The following AIG1 variants were observed in gnomAD, a reference collection of about 807,000 sequenced individuals.
AIG1 encodes androgen-induced gene 1 protein.
AIG1 carries 23 observed loss-of-function variants against 31.4 expected under a neutral mutation model. That is an observed-to-expected ratio of 0.73 (90% CI 0.53 to 1.04). The LOEUF (loss-of-function observed/expected upper bound fraction) is 1.04, where lower values mean the gene tolerates loss of function less well. AIG1 is among the 50% of genes least tolerant of loss of function. AIG1 has a pLI of 0.00. For synonymous variants in AIG1, 100 were observed against 110.5 expected, an observed-to-expected ratio of 0.90 and a Z score of 0.60; for missense variants, 274 against 295.0, an observed-to-expected ratio of 0.93 and a Z score of 0.52.
intron 4 of AIG1, among the ~76,000 whole-genome samples, chr6:143,317,577 C>T (rs1016474383): frequency 6.6e-6 from 1 of 152,140 alleles, no homozygotes; most frequent in African/African-American, 2.4e-5. Context: ...TGAAAGCATT[C>T]CCTCTGAGAA....
At chr6:143,127,970 G>A (rs1358502128) in intron 1 of AIG1, among the ~76,000 whole-genome samples, 1 of 152,168 alleles carries the variant, frequency 6.6e-6, no homozygotes, top group Non-Finnish European at 1.5e-5. Flanking sequence ...TTACAGGCAT[G>A]AGCCACCACA....
At chr6:143,335,961 A>C (rs1400876726) in intron 5 of AIG1, among the ~76,000 whole-genome samples, 3 of 137,950 alleles carry the variant, frequency 2.2e-5, no homozygotes, top group Admixed American at 7.2e-5. Context: ...AAAAAAAAAA[A>C]CAGAAAGAAA....
chr6:143,238,910 C>G (rs928744301), intron 3 of AIG1, among the ~76,000 whole-genome samples: 1 of 152,184 alleles, frequency 6.6e-6, no homozygotes, highest in Non-Finnish European at 1.5e-5. Flanking sequence ...TTACAACTTC[C>G]CTTTCATCTT....
At chr6:143,148,692 A>G (rs963928151) in intron 2 of AIG1, among the ~76,000 whole-genome samples, 1 of 152,054 alleles carries the variant, frequency 6.6e-6, no homozygotes, top group Non-Finnish European at 1.5e-5. Context: ...GCTTGGTAGC[A>G]TGCTCCTGTA....
intron 2 of AIG1, among the ~76,000 whole-genome samples, chr6:143,154,064 A>G (rs1354320817): frequency 1.3e-5 from 2 of 151,928 alleles, no homozygotes; most frequent in African/African-American, 4.8e-5. Context: ...CAGACTGGAA[A>G]CAAAGTGAAA....
chr6:143,311,730 C>G (rs1775291724), intron 4 of AIG1, among the ~76,000 whole-genome samples: 1 of 151,752 alleles, frequency 6.6e-6, no homozygotes, highest in Non-Finnish European at 1.5e-5. Context: ...AGCAATCAGA[C>G]AAGAGAAAGA....
In AIG1 at chr6:143,210,757, G is replaced by C. The variant is rs1346354604; in HGVS notation, c.399+45574G>C. On this transcript the variant is annotated intron_variant, in intron 3 of 5. Coordinates refer to ENST00000357847, the MANE Select transcript of AIG1 (RefSeq NM_016108.4). ...GAAATTAACCTAGAGAAAATACGTA[G>C]AGAGAAACCAACATGGCAGAGAAAC... Among the ~76,000 whole-genome samples, 20 of 152,150 alleles carry C rather than the reference G, an allele frequency of 1.3e-4. 1 individual carries two copies. Among genetic ancestry groups the C allele is most frequent in the Admixed American group, 1.3e-3 (20 of 15,270 alleles).
intron 3 of AIG1, chr6:143,189,832 C>T: frequency 1.0e-6 from 1 of 969,542 alleles, no homozygotes; most frequent in South Asian, 4.8e-5. Flanking sequence ...TATCTTAGTC[C>T]ATTCAGGCTA....
downstream of AIG1, chr6:143,343,458 A>T: frequency 3.0e-6 from 1 of 335,590 alleles, no homozygotes; most frequent in Non-Finnish European, 5.9e-6. Flanking sequence ...CCCTAGAGTG[A>T]TCATGGCTAC....
At chr6:143,253,873 C>T (rs1795183733) in intron 3 of AIG1, among the ~76,000 whole-genome samples, 1 of 151,990 alleles carries the variant, frequency 6.6e-6, no homozygotes, top group Admixed American at 6.5e-5. Context: ...AACGCCACCT[C>T]CTTTCCCTAC....
rs1368269291 is a variant in AIG1, at chr6:143,326,052, G to T, written c.516-7230G>T. Among the ~76,000 whole-genome samples the T allele has an allele frequency of 1.3e-5, 2 of 152,184 alleles. No homozygotes were observed. The highest frequency in any genetic ancestry group is 2.9e-5 in the Non-Finnish European group (2 of 68,020). ...TGACTCAACAGTTTGATAGACACTG[G>T]TCTAAGTGTTCTTAAATCTTTCAGC... On this transcript the variant is annotated intron_variant, in intron 4 of 5. Transcript: ENST00000357847. This position sits in a 1 kb window ranked among gnomAD's most constrained non-coding sequence, Gnocchi z 4.5.
chr6:143,253,317 A>C (rs1024185756), intron 3 of AIG1, among the ~76,000 whole-genome samples: 6 of 152,188 alleles, frequency 3.9e-5, no homozygotes, highest in African/African-American at 1.2e-4. Flanking sequence ...ACAAACAATG[A>C]AGTTAGGTTT....
intron 3 of AIG1, among the ~76,000 whole-genome samples, chr6:143,202,785 G>A (rs1179029831): frequency 2.0e-5 from 3 of 152,104 alleles, no homozygotes; most frequent in Admixed American, 1.3e-4. Flanking sequence ...TTCACTTCCC[G>A]GGAGAGGAAG....
Position 143,263,826 on chromosome 6 carries a change from A to T in AIG1, c.400-20284A>T, listed in dbSNP as rs528097418. 1.7e-4 allele frequency among the ~76,000 whole-genome samples: 26 copies of T among 152,320 alleles called. No individual in the cohort carries two copies. The East Asian group carries it at 2.5e-3, about 15-fold the overall frequency. ...TCCCCAATGGTAGATTATTAAGATT[A>T]TTTTAAATTATTTTGCTACTGTAAG... On this transcript the variant is annotated intron_variant, in intron 3 of 5. Coordinates refer to ENST00000357847, the MANE Select transcript of AIG1 (RefSeq NM_016108.4).
At chr6:143,243,814 C>T (rs1794427552) in intron 3 of AIG1, among the ~76,000 whole-genome samples, 1 of 152,206 alleles carries the variant, frequency 6.6e-6, no homozygotes, top group Admixed American at 6.5e-5. Context: ...CCAACATTAT[C>T]AAGCACACAC....
intron 1 of AIG1, among the ~76,000 whole-genome samples, chr6:143,084,105 C>T (rs768498471): frequency 5.9e-5 from 9 of 152,100 alleles, no homozygotes; most frequent in East Asian, 1.9e-4. Context: ...CTGAGAAGGC[C>T]GCACCAGTGT....
rs558293460 is a variant in AIG1, at chr6:143,219,295, A to G, written c.399+54112A>G. ...GACCTTCAGGCTCAGTTTGAGGCTC[A>G]GGTTCCTTATCTATAAAACTGCAGT... On this transcript the variant is annotated intron_variant, in intron 3 of 5. Coordinates refer to ENST00000357847, the MANE Select transcript of AIG1 (RefSeq NM_016108.4). 1.4e-4 allele frequency among the ~76,000 whole-genome samples: 21 copies of G among 152,262 alleles called. No individual in the cohort carries two copies. The East Asian group carries it at 4.1e-3, about 29-fold the overall frequency.
At chr6:143,301,506 A>G (rs1325681978) in intron 4 of AIG1, among the ~76,000 whole-genome samples, 2 of 152,328 alleles carry the variant, frequency 1.3e-5, no homozygotes, top group East Asian at 1.9e-4. Flanking sequence ...TTTATAAAGG[A>G]AAGAGATTTA....
chr6:143,170,583 AC>A (rs1787404608), intron 3 of AIG1, among the ~76,000 whole-genome samples: 2 of 103,552 alleles, frequency 1.9e-5, no homozygotes, highest in Admixed American at 9.6e-5. Context: ...TTCCAAAAAA[AC>A]AAGTTTTTTT....
Sources: allele counts gnomAD v4.1 joint callset (sites outside exome capture counted in the v4.1 genomes callset), GRCh38; gene constraint gnomAD v4.1.1; non-coding constraint Gnocchi (gnomAD v3.1); transcripts MANE v1.5; gene names NCBI Gene and HGNC (gene_info 2026-07-23, HGNC 2026-07-21).